USH2A: variants seen among roughly 807,000 people sequenced by gnomAD.
USH2A encodes Usher syndrome 2A (autosomal recessive, mild).
A neutral mutation model predicts 538.9 loss-of-function variants in USH2A; 443 were observed. That is an observed-to-expected ratio of 0.82 (90% CI 0.76 to 0.89). The LOEUF (loss-of-function observed/expected upper bound fraction) is 0.89. Ranked by LOEUF, USH2A falls within the 40% of genes least tolerant of loss-of-function variation. The pLI is 0.00. For missense variants in USH2A, 6,633 were observed against 6,324.8 expected, an observed-to-expected ratio of 1.05 and a Z score of -1.65; for synonymous variants, 2,413 against 2,273.5, an observed-to-expected ratio of 1.06 and a Z score of -1.75.
At chr1:216,289,677 A>C (rs947664133) in intron 10 of USH2A, among the ~76,000 whole-genome samples, 1 of 152,132 alleles carries the variant, frequency 6.6e-6, no homozygotes, top group African/African-American at 2.4e-5. Flanking sequence ...GGGCCCATAC[A>C]TTTGGAAAGA....
intron 61 of USH2A, among the ~76,000 whole-genome samples, chr1:215,727,325 T>C (rs1475417592): frequency 6.6e-6 from 1 of 151,976 alleles, no homozygotes; most frequent in Non-Finnish European, 1.5e-5. Context: ...AAGTAGAAAA[T>C]TAAATATTCT....
intron 30 of USH2A, among the ~76,000 whole-genome samples, chr1:216,065,775 A>G (rs1444702904): frequency 6.6e-6 from 1 of 151,924 alleles, no homozygotes; most frequent in African/African-American, 2.4e-5. Context: ...TGCACACCTG[A>G]AATCCCAGCT....
At chr1:216,260,450 C>T (rs2036348624) in intron 11 of USH2A, among the ~76,000 whole-genome samples, 1 of 152,186 alleles carries the variant, frequency 6.6e-6, no homozygotes, top group African/African-American at 2.4e-5. Flanking sequence ...ATTTTGTCCC[C>T]AGAGGAACTT....
chr1:215,945,739 C>A (rs1308876280), intron 37 of USH2A, among the ~76,000 whole-genome samples: 85 of 151,970 alleles, frequency 5.6e-4, no homozygotes, highest in Non-Finnish European at 2.2e-4. Context: ...ATATTCAGTT[C>A]TTTGGGGGAG....
intron 20 of USH2A, among the ~76,000 whole-genome samples, chr1:216,179,724 T>C (rs569774572): frequency 6.6e-6 from 1 of 152,168 alleles, no homozygotes; most frequent in East Asian, 1.9e-4. Context: ...AATAGATACT[T>C]CTGAACCATT....
chr1:216,065,248 A>G (rs1395650516), intron 30 of USH2A, among the ~76,000 whole-genome samples: 1 of 152,164 alleles, frequency 6.6e-6, no homozygotes, highest in Non-Finnish European at 1.5e-5. Context: ...GGCTGATTTA[A>G]TTTGAAAAGC....
At chr1:216,231,881 C>A (rs1451952055) in intron 14 of USH2A, 72 bp downstream of exon 14, 13 of 1,588,828 alleles carry the variant, frequency 8.2e-6, no homozygotes, top group Non-Finnish European at 1.1e-5. Context: ...GAAGTTATTG[C>A]TTTGCAACTG....
chr1:216,331,046 C>A (rs958148929), intron 4 of USH2A, among the ~76,000 whole-genome samples: 1 of 151,928 alleles, frequency 6.6e-6, no homozygotes, highest in Non-Finnish European at 1.5e-5. Context: ...TTGGAGCTTG[C>A]AATCATATCC....
At chr1:216,389,075 TA>T (rs1223331447) in intron 3 of USH2A, among the ~76,000 whole-genome samples, 1 of 152,170 alleles carries the variant, frequency 6.6e-6, no homozygotes, top group Non-Finnish European at 1.5e-5. Flanking sequence ...AGAGCTAGTG[TA>T]AGTGAAAAGA....
intron 32 of USH2A, among the ~76,000 whole-genome samples, chr1:216,013,491 T>A (rs1668627518): frequency 6.6e-6 from 1 of 152,096 alleles, no homozygotes; most frequent in Non-Finnish European, 1.5e-5. Context: ...TAAGCCATCA[T>A]ATCCCCTGTG....
chr1:216,398,937 A>T (rs529064069), intron 3 of USH2A, among the ~76,000 whole-genome samples: 1 of 152,244 alleles, frequency 6.6e-6, no homozygotes, highest in South Asian at 2.1e-4. Flanking sequence ...CTCTTTTCTA[A>T]ATAGTATTGG....
At position 216,232,082 on chromosome 1, in the gene USH2A, G is replaced by C; in HGVS notation, c.2864C>G (p.Thr955Arg). Residue 955 changes from threonine to arginine, a missense_variant, in exon 14 of 72, where the codon ACA (threonine) becomes AGA (arginine). By Grantham distance (71) the Thr-to-Arg change is moderately conservative. Coordinates refer to ENST00000307340, the MANE Select transcript of USH2A (RefSeq NM_206933.4). ...ATGCLPCSCH[T>R]TGAVNHICNS... ...ACAGATGTGATTAACTGCACCAGTT[G>C]TATGGCATGAGCATGGCAGGCAGCC... 1 of 1,614,036 alleles carries C rather than the reference G, an allele frequency of 6.2e-7. No individual in the cohort carries two copies. Among genetic ancestry groups the C allele is most frequent in the Non-Finnish European group, 8.5e-7 (1 of 1,179,926 alleles).
At chr1:215,813,963 T>G (rs919037050) in intron 48 of USH2A, 59 bp from the exon 49 acceptor site, 2 of 1,526,630 alleles carry the variant, frequency 1.3e-6, no homozygotes, top group East Asian at 4.6e-5. Context: ...GTTATACCAC[T>G]GTATCTCATG....
chr1:215,630,019 C>T, intron 70 of USH2A: 1 of 476,350 alleles, frequency 2.1e-6, no homozygotes, highest in South Asian at 1.6e-5. Context: ...TTGTGATCCG[C>T]CCGCCTCGGC....
rs992877891 is a variant in USH2A at position 216,422,167 on chromosome 1, A to G, written c.170T>C (p.Val57Ala). 10 of 1,613,710 alleles carry G rather than the reference A, an allele frequency of 6.2e-6. No homozygotes were observed. Among genetic ancestry groups the G allele is most frequent in the Non-Finnish European group, 8.5e-6 (10 of 1,179,808 alleles). Residue 57 changes from valine to alanine, a missense_variant, in exon 2 of 72, where the codon GTA (valine) becomes GCA (alanine). Val to Ala is a moderately conservative substitution (Grantham distance 64). Transcript: ENST00000307340. ...KKVSIVPTQA[V>A]CGLPDRSTFC... is the part of the protein sequence containing the mutation. ...AGTGCTTCGGTCTGGGAGTCCACAT[A>G]CTGCTTGGGTTGGCACGATGGAAAC...
intron 44 of USH2A, among the ~76,000 whole-genome samples, chr1:215,864,755 T>C (rs1664427092): frequency 6.6e-6 from 1 of 152,152 alleles, no homozygotes; most frequent in East Asian, 1.9e-4. Flanking sequence ...AAAAATGAAC[T>C]GAAGTAACAC....
chr1:216,349,509 G>C (rs768279220), intron 4 of USH2A, among the ~76,000 whole-genome samples: 28 of 152,104 alleles, frequency 1.8e-4, no homozygotes, highest in African/African-American at 6.8e-4. Context: ...AAAACAGATT[G>C]CAGTAAAGAA....
At chr1:216,010,132 A>C (rs1364747252) in intron 32 of USH2A, among the ~76,000 whole-genome samples, 2 of 152,150 alleles carry the variant, frequency 1.3e-5, no homozygotes, top group Non-Finnish European at 2.9e-5. Context: ...CTCGCCTTCA[A>C]GGTGTACAAT....
chr1:215,645,193 T>G (rs1273855958), intron 67 of USH2A, among the ~76,000 whole-genome samples: 2 of 152,032 alleles, frequency 1.3e-5, no homozygotes, highest in African/African-American at 4.8e-5. Flanking sequence ...GTTGTGGGCA[T>G]GAAGGGAGAA....
Sources: allele counts gnomAD v4.1 joint callset (sites outside exome capture counted in the v4.1 genomes callset), GRCh38; gene constraint gnomAD v4.1.1; transcripts MANE v1.5; gene names NCBI Gene and HGNC (gene_info 2026-07-23, HGNC 2026-07-21).